RAB27A: variants seen among roughly 807,000 people sequenced by gnomAD.
RAB27A encodes ras-related protein Rab-27A.
Under a neutral mutation model 20.8 loss-of-function variants are expected in RAB27A, and 17 were observed. The observed-to-expected ratio is 0.82, with a 90% CI of 0.56 to 1.23. The LOEUF is 1.23. Ranked by LOEUF, RAB27A falls within the 50% of genes most tolerant of loss-of-function variation. The pLI is 0.00. For synonymous variants in RAB27A, 85 were observed against 92.8 expected, an observed-to-expected ratio of 0.92 and a Z score of 0.48; for missense variants, 277 against 266.7, an observed-to-expected ratio of 1.04 and a Z score of -0.27.
intron 2 of RAB27A, among the ~76,000 whole-genome samples, chr15:55,311,833 G>A (rs770228624): frequency 6.6e-6 from 1 of 152,080 alleles, no homozygotes; most frequent in Non-Finnish European, 1.5e-5. Flanking sequence ...TGCCTTGGGG[G>A]GAACGTTTCC....
upstream of RAB27A, among the ~76,000 whole-genome samples, chr15:55,294,590 A>G (rs999635750): frequency 2.2e-5 from 2 of 92,832 alleles, no homozygotes; most frequent in South Asian, 3.9e-4. Context: ...CCTGTCTCCG[A>G]AAAAAAAAAA....
intron 2 of RAB27A, among the ~76,000 whole-genome samples, chr15:55,266,620 A>T (rs1289352886): frequency 6.6e-6 from 1 of 152,244 alleles, no homozygotes; most frequent in East Asian, 1.9e-4. Context: ...ATTATAACTA[A>T]CACTAAGCAC....
At chr15:55,220,568 GC>G (rs1895523796) in intron 6 of RAB27A, among the ~76,000 whole-genome samples, 1 of 152,110 alleles carries the variant, frequency 6.6e-6, no homozygotes, top group South Asian at 2.1e-4. Flanking sequence ...ACCACACCTG[GC>G]CCCAGTGATC....
intron 1 of RAB27A, among the ~76,000 whole-genome samples, chr15:55,273,839 T>C (rs1166597645): frequency 6.6e-6 from 1 of 152,130 alleles, no homozygotes; most frequent in Non-Finnish European, 1.5e-5. Context: ...GAACAGATCA[T>C]CCAGATAGAA....
chr15:55,258,045 C>T (rs1479245839), intron 2 of RAB27A, among the ~76,000 whole-genome samples: 8 of 130,780 alleles, frequency 6.1e-5, no homozygotes, highest in Non-Finnish European at 1.2e-4. Flanking sequence ...CCAGCCTGGG[C>T]GATACAGCGA....
intron 2 of RAB27A, among the ~76,000 whole-genome samples, chr15:55,244,289 TGGGAGAC>T (rs1183441262): frequency 2.0e-5 from 3 of 152,054 alleles, no homozygotes; most frequent in Non-Finnish European, 4.4e-5. Flanking sequence ...CATTCCGGCC[TGGGAGAC>T]AGAGGGAGAC....
chr15:55,209,862 A>G (rs1206132125), intron 6 of RAB27A, among the ~76,000 whole-genome samples: 1 of 23,050 alleles, frequency 4.3e-5, no homozygotes, highest in Non-Finnish European at 1.3e-4. Flanking sequence ...GTGTGTATAT[A>G]CATATATACA....
rs150570777 is a variant in RAB27A at position 55,287,538 on chromosome 15, G to A, written c.-143+2178C>T. On this transcript the variant is annotated intron_variant, in intron 1 of 6. Transcript: ENST00000336787. ...TGAGGCAGACAGATCACCTGAGATC[G>A]GGAGTCCGAGACCAGCCTGACCAAC... Among the ~76,000 whole-genome samples, 724 of 152,008 alleles carry A rather than the reference G, an allele frequency of 4.8e-3. 6 individuals are homozygous for A. The highest frequency in any genetic ancestry group is 7.7e-3 in the Non-Finnish European group (520 of 67,940).
At chr15:55,275,118 G>T (rs1897827324) in intron 1 of RAB27A, among the ~76,000 whole-genome samples, 1 of 151,658 alleles carries the variant, frequency 6.6e-6, no homozygotes, top group South Asian at 2.1e-4. Context: ...GGGGCATGGT[G>T]GTGCACACCT....
At chr15:55,248,615 T>C (rs1228451142) in intron 2 of RAB27A, among the ~76,000 whole-genome samples, 1 of 152,220 alleles carries the variant, frequency 6.6e-6, no homozygotes, top group African/African-American at 2.4e-5. Flanking sequence ...ATAATGTTAA[T>C]GAAAAGGTAG....
chr15:55,244,541 T>G (rs1896616473), intron 2 of RAB27A, among the ~76,000 whole-genome samples: 1 of 151,926 alleles, frequency 6.6e-6, no homozygotes, highest in African/African-American at 2.4e-5. Context: ...GGTCTCAAAC[T>G]CCCGAGCTCA....
intron 1 of RAB27A, among the ~76,000 whole-genome samples, chr15:55,282,322 T>C (rs573459189): frequency 4.6e-5 from 7 of 152,304 alleles, no homozygotes; most frequent in African/African-American, 1.7e-4. Context: ...ATCAATTAGC[T>C]ATGTGACCTG....
intron 2 of RAB27A, among the ~76,000 whole-genome samples, chr15:55,311,201 T>A (rs1159768048): frequency 6.6e-6 from 1 of 152,230 alleles, no homozygotes; most frequent in Non-Finnish European, 1.5e-5. Flanking sequence ...AGCTAGTGTC[T>A]GATTTAGCAG....
intron 2 of RAB27A, among the ~76,000 whole-genome samples, chr15:55,302,916 G>A (rs1219616821): frequency 3.9e-4 from 54 of 139,180 alleles, no homozygotes; most frequent in African/African-American, 1.4e-3. Context: ...CTCTCCGCCC[G>A]GCAGCCACCC....
chr15:55,212,254 T>C (rs1895063114), intron 6 of RAB27A, among the ~76,000 whole-genome samples: 1 of 152,182 alleles, frequency 6.6e-6, no homozygotes, highest in African/African-American at 2.4e-5. Context: ...TTCACAATGC[T>C]AGAAAGTAGC....
rs183690385 is a variant in RAB27A, at chr15:55,237,310, A to T, written c.-22-2354T>A. 3.9e-5 allele frequency: 6 copies of T among 152,130 alleles called. No homozygotes were observed. The East Asian group carries it at 1.2e-3, about 29-fold the overall frequency. 9.4% of individuals were successfully genotyped at this position (152,130 alleles called of 1,614,324 possible). ...CCCTCACCCCATCCTCAACTTGGGG[A>T]CTCACCTTATGCTGAAAACTCCTGA... is the stretch of plus-strand genomic sequence containing the variant. On this transcript the variant is annotated intron_variant, in intron 2 of 6. Coordinates refer to ENST00000336787, the MANE Select transcript of RAB27A (RefSeq NM_183235.3).
At chr15:55,227,384 G>A (rs555283007) in intron 5 of RAB27A, among the ~76,000 whole-genome samples, 1 of 152,258 alleles carries the variant, frequency 6.6e-6, no homozygotes, top group South Asian at 2.1e-4. Flanking sequence ...TGATGAACAC[G>A]GGCTGAGAGT....
chr15:55,238,761 A>G (rs1896366241), intron 2 of RAB27A, among the ~76,000 whole-genome samples: 1 of 152,194 alleles, frequency 6.6e-6, no homozygotes, highest in African/African-American at 2.4e-5. Context: ...TCACTTTCAA[A>G]TAATTCTGAT....
At chr15:55,291,407 G>A (rs994505561), upstream of RAB27A, among the ~76,000 whole-genome samples, 1 of 149,114 alleles carries the variant, frequency 6.7e-6, no homozygotes. Flanking sequence ...CTACTTAGGA[G>A]GCTGAGGGCA....
Sources: gnomAD v4.1 joint callset for allele counts (sites outside exome capture counted in the v4.1 genomes callset) on GRCh38, gnomAD v4.1.1 for gene constraint, MANE v1.5 for transcripts, NCBI Gene and HGNC (gene_info 2026-07-23, HGNC 2026-07-21) for gene names.